The following TRIM37 variants were observed in gnomAD, a reference collection of about 807,000 sequenced individuals.
The protein encoded by TRIM37 is E3 ubiquitin-protein ligase TRIM37.
Under a neutral mutation model 129.8 loss-of-function variants are expected in TRIM37, and 80 were observed. That is an observed-to-expected ratio of 0.62 (90% CI 0.51 to 0.74). The LOEUF (loss-of-function observed/expected upper bound fraction) is 0.74. Ranked by LOEUF, TRIM37 falls within the 30% of genes least tolerant of loss-of-function variation. The pLI, the probability that TRIM37 is intolerant of heterozygous loss-of-function variation, is 0.00. For missense variants in TRIM37, 1,054 were observed against 1,176.5 expected (o/e 0.90, Z 1.52); for synonymous variants, 389 against 387.1 (o/e 1.00, Z -0.06).
At chr17:59,089,237 G>C (rs1473180208) in intron 3 of TRIM37, among the ~76,000 whole-genome samples, 3 of 151,902 alleles carry the variant, frequency 2.0e-5, no homozygotes, top group Non-Finnish European at 4.4e-5. Flanking sequence ...CTGGGGAACA[G>C]AGTGAGAGCC....
At chr17:59,003,645 T>TAAA (rs71145512) in intron 22 of TRIM37, among the ~76,000 whole-genome samples, 7 of 122,662 alleles carry the variant, frequency 5.7e-5, no homozygotes, top group African/African-American at 8.9e-5. Context: ...AGAGTCTTAT[T>TAAA]AAAAAAAAAA....
intron 24 of TRIM37, chr17:58,983,126 G>A: frequency 1.9e-6 from 1 of 526,962 alleles, no homozygotes; most frequent in Non-Finnish European, 3.4e-6. Context: ...GATAGAACTG[G>A]GACAAACACA....
At chr17:59,052,618 T>A (rs953660727) in intron 13 of TRIM37, among the ~76,000 whole-genome samples, 1 of 152,106 alleles carries the variant, frequency 6.6e-6, no homozygotes, top group African/African-American at 2.4e-5. Flanking sequence ...CATCATTATA[T>A]GTTATAACTG....
At chr17:59,104,438 G>A (rs759085036) in intron 1 of TRIM37, 44 bp from the exon 2 acceptor site, 10 of 1,556,458 alleles carry the variant, frequency 6.4e-6, no homozygotes, top group East Asian at 2.2e-5. Flanking sequence ...TTAGGCTACT[G>A]AATCAAGAGT....
At chr17:59,029,378 T>G (rs1598995978) in intron 18 of TRIM37, among the ~76,000 whole-genome samples, 1 of 152,202 alleles carries the variant, frequency 6.6e-6, no homozygotes, top group African/African-American at 2.4e-5. Context: ...TAGCTCTCCA[T>G]GCCTAGTATG....
intron 24 of TRIM37, among the ~76,000 whole-genome samples, chr17:58,988,765 G>C (rs1051608827): frequency 3.3e-5 from 5 of 151,992 alleles, no homozygotes; most frequent in African/African-American, 1.2e-4. Context: ...CAGTGCTCTG[G>C]TATCCAACAC....
chr17:59,044,896 G>C (rs747089273), intron 16 of TRIM37, among the ~76,000 whole-genome samples: 4 of 152,102 alleles, frequency 2.6e-5, no homozygotes, highest in Non-Finnish European at 5.9e-5. Context: ...AGCCGAGTGT[G>C]ATGATGCACA....
intron 2 of TRIM37, among the ~76,000 whole-genome samples, chr17:59,097,388 TAA>T (rs1454491623): frequency 6.6e-6 from 1 of 152,128 alleles, no homozygotes; most frequent in Admixed American, 6.5e-5. Context: ...TAAAAATCCC[TAA>T]AGAGTCCACA....
chr17:59,028,536 G>A lies in TRIM37; in HGVS notation c.2136C>T (p.Ser712=), dbSNP rs768860943. 124 of 1,614,100 alleles carry A rather than the reference G, an allele frequency of 7.7e-5. 1 individual carries two copies. In the Middle Eastern group the frequency reaches 1.5e-3, roughly 19 times the overall value. Residue 712 remains serine (S), a synonymous_variant, in exon 19 of 24, where the codon AGC becomes AGT. Transcript: ENST00000262294. ...SSAASGDMQT[S]LFSADQAALA... is the part of the protein sequence containing the mutation. The stretch of plus-strand genomic sequence containing the variant: ...GAGCTGCCTGGTCAGCAGAAAAAAG[G>A]CTTGTCTGCATGTCTCCAGAAGCAG...
chr17:59,065,036 G>C (rs1322765816), intron 9 of TRIM37, among the ~76,000 whole-genome samples: 2 of 152,146 alleles, frequency 1.3e-5, no homozygotes, highest in African/African-American at 4.8e-5. Context: ...GGGCGACAGA[G>C]CCAGACTCTG....
chr17:58,999,389 A>G lies in TRIM37; in HGVS notation c.2883T>C (p.Asn961=), dbSNP rs377282282. The G allele has an allele frequency of 2.5e-6, 4 of 1,613,790 alleles. No homozygotes were observed. The highest frequency in any genetic ancestry group is 2.2e-5 in the East Asian group (1 of 44,866). Residue 961 remains asparagine (N), a synonymous_variant, in exon 24 of 24, where the codon AAT becomes AAC. Transcript: ENST00000262294. ...CTTGATTTGGCAATTACCTTCCACT[A>G]TTTTCATCTGTATTGAAGCTGAGAT... ...PEDLSFNTDE[N]SGR
intron 19 of TRIM37, among the ~76,000 whole-genome samples, chr17:59,025,659 T>C (rs116147925): frequency 0.01 from 1,563 of 152,102 alleles, 24 homozygotes; most frequent in African/African-American, 0.036. Context: ...ATATGCAGGT[T>C]TGGCATCACC....
intron 17 of TRIM37, among the ~76,000 whole-genome samples, chr17:59,032,851 G>T (rs1006409931): frequency 6.6e-6 from 1 of 152,066 alleles, no homozygotes; most frequent in African/African-American, 2.4e-5. Context: ...AAATGTATAG[G>T]TCATGACAGT....
intron 17 of TRIM37, among the ~76,000 whole-genome samples, chr17:59,041,215 C>G (rs1168256893): frequency 6.6e-6 from 1 of 152,140 alleles, no homozygotes; most frequent in African/African-American, 2.4e-5. Flanking sequence ...CAGTTCTTCC[C>G]AGGAGAAGCA....
chr17:59,016,321 C>CG (rs1237582938), intron 20 of TRIM37, among the ~76,000 whole-genome samples: 1 of 138,276 alleles, frequency 7.2e-6, no homozygotes, highest in Non-Finnish European at 1.5e-5. Flanking sequence ...TTGAACACGG[C>CG]GGGCGGAGGT....
At chr17:59,070,645 G>C (rs994812185) in intron 9 of TRIM37, among the ~76,000 whole-genome samples, 178 bp downstream of exon 9, 6 of 151,874 alleles carry the variant, frequency 4.0e-5, no homozygotes, top group African/African-American at 1.5e-4. Flanking sequence ...GGGGGGTCAA[G>C]GTGGGAAAAT....
At chr17:58,986,658 G>A (rs1011562519) in intron 24 of TRIM37, among the ~76,000 whole-genome samples, 1 of 151,962 alleles carries the variant, frequency 6.6e-6, no homozygotes, top group Non-Finnish European at 1.5e-5. Flanking sequence ...GATTACAGGC[G>A]TCGGCCACCA....
At chr17:59,006,892 A>AAAATAAAT (rs539813743) in intron 22 of TRIM37, among the ~76,000 whole-genome samples, 3 of 151,798 alleles carry the variant, frequency 2.0e-5, no homozygotes, top group South Asian at 4.1e-4. Context: ...CTGTCTCCAA[A>AAAATAAAT]AAATAAATAA....
intron 12 of TRIM37, among the ~76,000 whole-genome samples, chr17:59,057,359 C>T (rs1440549552): frequency 6.6e-6 from 1 of 151,974 alleles, no homozygotes; most frequent in Non-Finnish European, 1.5e-5. Context: ...AGATTACAGG[C>T]GTGTACCATG....
Sources: gnomAD v4.1 joint callset for allele counts (sites outside exome capture counted in the v4.1 genomes callset) on GRCh38, gnomAD v4.1.1 for gene constraint, MANE v1.5 for transcripts, NCBI Gene and HGNC (gene_info 2026-07-23, HGNC 2026-07-21) for gene names.